PSMG4: variants seen among roughly 807,000 people sequenced by gnomAD.
PSMG4 encodes the protein proteasome assembly chaperone 4, also known as proteasome (prosome, macropain) assembly chaperone 4.
In PSMG4, 10 loss-of-function variants were observed where a neutral mutation model predicts 11.0. That is an observed-to-expected ratio of 0.91 (90% CI 0.56 to 1.54). PSMG4 has a LOEUF of 1.54. Ranked by LOEUF, PSMG4 falls within the 40% of genes most tolerant of loss-of-function variation. The pLI is 0.00. For missense variants in PSMG4, 198 were observed against 160.9 expected, an observed-to-expected ratio of 1.23 and a Z score of -1.25; for synonymous variants, 95 against 71.3, an observed-to-expected ratio of 1.33 and a Z score of -1.68.
chr6:3,262,850 T>A (rs1758044270), intron 1 of PSMG4, among the ~76,000 whole-genome samples: 1 of 86,926 alleles, frequency 1.2e-5, no homozygotes, highest in South Asian at 5.1e-4. Context: ...TATTATTATT[T>A]TTAATAAAAA....
upstream of PSMG4, among the ~76,000 whole-genome samples, chr6:3,254,523 G>T (rs942626950): frequency 6.6e-6 from 1 of 152,100 alleles, no homozygotes; most frequent in East Asian, 1.9e-4. Flanking sequence ...TTTATGAGCT[G>T]TAACAATTAT....
chr6:3,256,926 C>T (rs1027052900), upstream of PSMG4, among the ~76,000 whole-genome samples: 1 of 147,402 alleles, frequency 6.8e-6, no homozygotes, highest in African/African-American at 2.4e-5. Flanking sequence ...CACATGCAGG[C>T]TCTTTGGAGA....
intron 1 of PSMG4, among the ~76,000 whole-genome samples, chr6:3,262,371 T>C (rs1326245180): frequency 6.6e-6 from 1 of 152,258 alleles, no homozygotes; most frequent in Non-Finnish European, 1.5e-5. Context: ...AAGGTTTAAC[T>C]GTACATACTA....
At chr6:3,257,136 C>T (rs1379931712), upstream of PSMG4, among the ~76,000 whole-genome samples, 3 of 152,112 alleles carry the variant, frequency 2.0e-5, no homozygotes, top group Non-Finnish European at 4.4e-5. Flanking sequence ...GCTTTGTCAC[C>T]TCTATTTTCT....
chr6:3,258,902 C>G (rs989062872), upstream of PSMG4: 16 of 1,005,160 alleles, frequency 1.6e-5, no homozygotes, highest in Non-Finnish European at 2.0e-5. Context: ...TCACCCCCGC[C>G]CTTCCGGGGC....
At chr6:3,259,259 G>A in intron 1 of PSMG4, 63 bp downstream of exon 1, 1 of 1,210,230 alleles carries the variant, frequency 8.3e-7, no homozygotes, top group Non-Finnish European at 1.0e-6. Flanking sequence ...CCGGGCCTGC[G>A]CGAGCTGCAG....
chr6:3,255,882 C>T (rs1372300831), upstream of PSMG4, among the ~76,000 whole-genome samples: 3 of 151,904 alleles, frequency 2.0e-5, no homozygotes, highest in Admixed American at 2.0e-4. Flanking sequence ...TTGTCTTCCT[C>T]TTTCCTGATT....
chr6:3,263,787 G>T, intron 2 of PSMG4, 28 bp downstream of exon 2: 2 of 1,544,190 alleles, frequency 1.3e-6, no homozygotes, highest in Non-Finnish European at 1.7e-6. Context: ...GCGCTGCATG[G>T]CCAGCCAGGT....
rs781394989 is a variant in PSMG4, at chr6:3,267,971, A to G, written c.*259A>G. ...GAAATGGGATTTTTGTTGGGATTGA[A>G]GACTGTAATCTAAGAGTTTCAATCA... On this transcript the variant is annotated 3_prime_UTR_variant, in exon 3 of 3. Coordinates refer to ENST00000438998, the MANE Select transcript of PSMG4 (RefSeq NM_001128591.2). 53 of 337,056 alleles carry G rather than the reference A, an allele frequency of 1.6e-4. No individual in the cohort carries two copies. The highest frequency in any genetic ancestry group is 2.7e-4 in the Non-Finnish European group (49 of 179,494). The allele number at this position is 337,056 out of a possible 1,614,324, so 20.9% of individuals were successfully genotyped here.
At chr6:3,255,755 A>G (rs1250500077), upstream of PSMG4, among the ~76,000 whole-genome samples, 5 of 152,270 alleles carry the variant, frequency 3.3e-5, no homozygotes, top group Non-Finnish European at 2.9e-5. Flanking sequence ...CAAATGCACC[A>G]ATGTGATATT....
rs1440252045 is a variant in PSMG4 at position 3,264,508 on chromosome 6, A to G, written c.250+749A>G. On this transcript the variant is annotated intron_variant, in intron 2 of 2. Coordinates refer to ENST00000438998, the MANE Select transcript of PSMG4 (RefSeq NM_001128591.2). The stretch of plus-strand genomic sequence containing the variant: ...ACAAGCAGGAACCTCTGTGTCAGTC[A>G]CACTGAGGCAAATGCACACGAATAG... 1.4e-5 allele frequency: 17 copies of G among 1,183,292 alleles called. No individual in the cohort carries two copies. The African/African-American group carries it at 2.4e-4, about 17-fold the overall frequency. 73.3% of individuals were successfully genotyped at this position (1,183,292 alleles called of 1,614,324 possible). A position where few individuals can be genotyped will look rare whatever the true frequency, so the allele number is the denominator to read the frequency against.
At chr6:3,255,505 A>G (rs1757731562), upstream of PSMG4, among the ~76,000 whole-genome samples, 8 of 152,274 alleles carry the variant, frequency 5.3e-5, no homozygotes, top group South Asian at 1.7e-3. Flanking sequence ...CTGCCTGGCC[A>G]GGTCATTCCC....
chr6:3,262,414 T>C (rs1279294182), intron 1 of PSMG4, among the ~76,000 whole-genome samples: 8 of 152,250 alleles, frequency 5.3e-5, no homozygotes, highest in Non-Finnish European at 1.5e-5. Context: ...ACTTGAGGAA[T>C]CTGTAAACAG....
upstream of PSMG4, chr6:3,258,752 G>A: frequency 3.1e-6 from 1 of 319,346 alleles, no homozygotes; most frequent in East Asian, 4.8e-5. Flanking sequence ...GGTTTCCCCA[G>A]CCCGTCCAGA....
upstream of PSMG4, chr6:3,255,014 G>A (rs1008155935): frequency 1.9e-6 from 3 of 1,545,612 alleles, no homozygotes; most frequent in South Asian, 1.2e-5. Flanking sequence ...CCATGTGGGA[G>A]CGCTGGGATA....
chr6:3,255,904 C>T (rs4997729), upstream of PSMG4, among the ~76,000 whole-genome samples: 1 of 151,826 alleles, frequency 6.6e-6, no homozygotes. Flanking sequence ...GGATAGAAAA[C>T]ACATTTGCTG....
At chr6:3,262,002 T>C (rs1262694652) in intron 1 of PSMG4, among the ~76,000 whole-genome samples, 1 of 152,194 alleles carries the variant, frequency 6.6e-6, no homozygotes, top group African/African-American at 2.4e-5. Flanking sequence ...CTCCCACATG[T>C]GAGACTGTAG....
chr6:3,257,074 G>A (rs1296514951), upstream of PSMG4, among the ~76,000 whole-genome samples: 2 of 152,194 alleles, frequency 1.3e-5, no homozygotes, highest in East Asian at 1.9e-4. Flanking sequence ...GAAAGATAGG[G>A]TCCAATGAAG....
rs7748462 is a variant in PSMG4, at chr6:3,266,917, G to T, written c.251-674G>T. 3.3e-5 allele frequency: 5 copies of T among 151,216 alleles called. No individual in the cohort carries two copies. In the East Asian group the frequency reaches 9.8e-4, roughly 30 times the overall value. The allele number at this position is 151,216 out of a possible 1,614,324, so 9.4% of individuals were successfully genotyped here. On this transcript the variant is annotated intron_variant, in intron 2 of 2. Transcript: ENST00000438998. ...ATTGCCCAGGCTGGAGTGCAGTGGC[G>T]CGATCTTGGCTCACTGCAAGCTCCG...
Sources: gnomAD v4.1 joint callset for allele counts (sites outside exome capture counted in the v4.1 genomes callset) on GRCh38, gnomAD v4.1.1 for gene constraint, MANE v1.5 for transcripts, NCBI Gene and HGNC (gene_info 2026-07-23, HGNC 2026-07-21) for gene names.